The following POLR3G variants were observed in gnomAD, a reference collection of about 807,000 sequenced individuals.
POLR3G encodes DNA-directed RNA polymerase III subunit RPC7.
Under a neutral mutation model 30.1 loss-of-function variants are expected in POLR3G, and 28 were observed. The observed-to-expected ratio is 0.93, with a 90% CI of 0.69 to 1.27. The LOEUF (loss-of-function observed/expected upper bound fraction) is 1.27, where lower values mean the gene tolerates loss of function less well. Ranked by LOEUF, POLR3G falls within the 50% of genes most tolerant of loss-of-function variation. The pLI, the probability that POLR3G is intolerant of heterozygous loss-of-function variation, is 0.00. For missense variants in POLR3G, 254 were observed against 264.6 expected, an observed-to-expected ratio of 0.96 and a Z score of 0.28; for synonymous variants, 79 against 82.5, an observed-to-expected ratio of 0.96 and a Z score of 0.23.
At chr5:90,475,474 T>C (rs1468678227) in intron 1 of POLR3G, among the ~76,000 whole-genome samples, 3 of 33,584 alleles carry the variant, frequency 8.9e-5, no homozygotes, top group African/African-American at 1.6e-4. Context: ...CCACCCTTTT[T>C]TTAATTTTAT....
rs1393309297 is a variant in POLR3G at position 90,506,682 on chromosome 5, T to C, written c.585+8T>C. 1 of 1,594,474 alleles carries C rather than the reference T, an allele frequency of 6.3e-7. No individual in the cohort carries two copies. Among genetic ancestry groups the C allele is most frequent in the East Asian group, 2.2e-5 (1 of 44,644 alleles). Reference sequence around the variant, plus strand: ...GAAGAAGAGCAAGAAGAGGTAATGGTTCATTTGGGGATGGTAGCAAAATTA... The same window carrying C: ...GAAGAAGAGCAAGAAGAGGTAATGGCTCATTTGGGGATGGTAGCAAAATTA... On this transcript the variant is annotated splice_region_variant and intron_variant, in intron 7 of 7. Coordinates refer to ENST00000651687, the MANE Select transcript of POLR3G (RefSeq NM_006467.3).
intron 7 of POLR3G, among the ~76,000 whole-genome samples, chr5:90,510,932 AGTCT>A (rs1350621200): frequency 6.6e-6 from 1 of 152,140 alleles, no homozygotes; most frequent in Non-Finnish European, 1.5e-5. Context: ...TTTTGAGAGT[AGTCT>A]GTATTTCTTA....
At chr5:90,491,631 A>G (rs1267885216) in intron 3 of POLR3G, among the ~76,000 whole-genome samples, 1 of 151,960 alleles carries the variant, frequency 6.6e-6, no homozygotes, top group Non-Finnish European at 1.5e-5. Flanking sequence ...ACATTTTCTT[A>G]AAAAGGAAAA....
chr5:90,478,385 TAA>T (rs1420195068), intron 1 of POLR3G, among the ~76,000 whole-genome samples: 1 of 152,004 alleles, frequency 6.6e-6, no homozygotes, highest in Non-Finnish European at 1.5e-5. Context: ...TCCCTGGGAT[TAA>T]AAAAGTCTTC....
At chr5:90,491,274 A>G (rs1477470858) in intron 3 of POLR3G, among the ~76,000 whole-genome samples, 1 of 152,250 alleles carries the variant, frequency 6.6e-6, no homozygotes, top group Non-Finnish European at 1.5e-5. Flanking sequence ...ATATTATTTT[A>G]GTGAATTTTA....
At chr5:90,499,446 G>A (rs957472426) in intron 5 of POLR3G, among the ~76,000 whole-genome samples, 6 of 152,226 alleles carry the variant, frequency 3.9e-5, no homozygotes, top group Admixed American at 6.5e-5. Context: ...ATGTTCACTC[G>A]TTTTTGACAT....
At chr5:90,483,876 A>G (rs1285164784) in intron 1 of POLR3G, among the ~76,000 whole-genome samples, 1 of 152,360 alleles carries the variant, frequency 6.6e-6, no homozygotes, top group South Asian at 2.1e-4. Flanking sequence ...ATTTACAGCA[A>G]TTATAGTTAT....
intron 3 of POLR3G, among the ~76,000 whole-genome samples, chr5:90,489,573 T>C (rs1365338890): frequency 6.6e-6 from 1 of 152,160 alleles, no homozygotes; most frequent in African/African-American, 2.4e-5. Context: ...GGCCTAATAC[T>C]GAAATTTTTA....
chr5:90,479,473 G>A (rs545710185), intron 1 of POLR3G, among the ~76,000 whole-genome samples: 21 of 152,128 alleles, frequency 1.4e-4, no homozygotes, highest in Non-Finnish European at 2.2e-4. Flanking sequence ...AGTCCATCTC[G>A]GGAAAAAACA....
intron 7 of POLR3G, 28 bp downstream of exon 7, chr5:90,506,702 A>C (rs1241146374): frequency 3.2e-6 from 5 of 1,579,940 alleles, no homozygotes; most frequent in Non-Finnish European, 4.3e-6. Flanking sequence ...GATGGTAGCA[A>C]AATTAATAAG....
chr5:90,511,215 C>T lies in POLR3G; in HGVS notation c.586-838C>T, dbSNP rs149840092. On this transcript the variant is annotated intron_variant, in intron 7 of 7. Coordinates refer to ENST00000651687, the MANE Select transcript of POLR3G (RefSeq NM_006467.3). ...ATCCACAAATATGTCAGTATGGATTCAAAAATAAGGGCTCTTTAACAACAT... is the reference window on the plus strand; with the variant it reads ...ATCCACAAATATGTCAGTATGGATTTAAAAATAAGGGCTCTTTAACAACAT... 3.4e-4 allele frequency among the ~76,000 whole-genome samples: 52 copies of T among 152,232 alleles called. No individual in the cohort carries two copies. The East Asian group carries it at 8.5e-3, about 25-fold the overall frequency.
chr5:90,510,206 G>A (rs1036307484), intron 7 of POLR3G, among the ~76,000 whole-genome samples: 13 of 151,960 alleles, frequency 8.6e-5, no homozygotes, highest in Non-Finnish European at 1.5e-4. Context: ...GTGAAACCCC[G>A]TCTCTACTAA....
intron 6 of POLR3G, 45 bp from the exon 7 acceptor site, chr5:90,506,483 A>G: frequency 6.3e-7 from 1 of 1,579,076 alleles, no homozygotes; most frequent in African/African-American, 1.4e-5. Flanking sequence ...GGAAGTCAGC[A>G]GTCTAGTGGT....
chr5:90,497,597 T>A, intron 4 of POLR3G, 59 bp from the exon 5 acceptor site: 1 of 1,554,086 alleles, frequency 6.4e-7, no homozygotes, highest in Non-Finnish European at 8.7e-7. Flanking sequence ...AATAGTTATG[T>A]TCAATGCCAC....
chr5:90,492,235 C>T (rs547979777), intron 3 of POLR3G, among the ~76,000 whole-genome samples: 1 of 152,268 alleles, frequency 6.6e-6, no homozygotes, highest in South Asian at 2.1e-4. Flanking sequence ...TGAGTAAACA[C>T]TGTATCTCCA....
chr5:90,505,854 A>G (rs1214486642), intron 6 of POLR3G, among the ~76,000 whole-genome samples: 3 of 152,142 alleles, frequency 2.0e-5, no homozygotes, highest in Admixed American at 6.5e-5. Flanking sequence ...CTATTACCTT[A>G]TTTTTCCCCT....
chr5:90,473,972 C>G, upstream of POLR3G: 1 of 1,599,496 alleles, frequency 6.3e-7, no homozygotes, highest in Non-Finnish European at 8.5e-7. Context: ...CGCGAGCCAG[C>G]GCCTCGGCCT....
chr5:90,500,254 G>A (rs1752184199), intron 5 of POLR3G, among the ~76,000 whole-genome samples: 1 of 152,000 alleles, frequency 6.6e-6, no homozygotes, highest in South Asian at 2.1e-4. Context: ...GAAGTAAACA[G>A]TAACAACAGA....
At chr5:90,510,869 A>T (rs371232852) in intron 7 of POLR3G, among the ~76,000 whole-genome samples, 100 of 62,652 alleles carry the variant, frequency 1.6e-3, no homozygotes, top group East Asian at 3.7e-4. Flanking sequence ...ATCCAGATTT[A>T]AAAAAAAAAA....
Sources: gnomAD v4.1 joint callset for allele counts (sites outside exome capture counted in the v4.1 genomes callset) on GRCh38, gnomAD v4.1.1 for gene constraint, MANE v1.5 for transcripts, NCBI Gene and HGNC (gene_info 2026-07-23, HGNC 2026-07-21) for gene names.